KIF20B: variants seen among roughly 807,000 people sequenced by gnomAD.
KIF20B encodes kinesin family member 20B.
In KIF20B, 188 loss-of-function variants were observed where a neutral mutation model predicts 232.5. The observed-to-expected ratio is 0.81, with a 90% CI of 0.72 to 0.91. KIF20B has a LOEUF of 0.91. Among genes scored for constraint, KIF20B ranks in the 40% least tolerant of loss-of-function variants. The pLI, the probability that KIF20B is intolerant of heterozygous loss-of-function variation, is 0.00. For missense variants in KIF20B, 2,154 were observed against 2,055.9 expected, an observed-to-expected ratio of 1.05 and a Z score of -0.92; for synonymous variants, 712 against 683.0, an observed-to-expected ratio of 1.04 and a Z score of -0.66.
At position 89,768,788 on chromosome 10, in the gene KIF20B, A is replaced by T; in HGVS notation, c.5142A>T (p.Ala1714=). Residue 1714 remains alanine, a synonymous_variant, in exon 31 of 33, where the codon GCA becomes GCT. Coordinates refer to ENST00000371728, the MANE Select transcript of KIF20B (RefSeq NM_001284259.2). ...SKKTYSLRSQ[A]SIIGVNLATK... is the part of the protein sequence containing the mutation. Reference sequence around the variant, plus strand: ...AAACATATTCTTTACGGAGTCAGGCATCCATAATTGGTGTAAACCTGGCCA... The same window carrying T: ...AAACATATTCTTTACGGAGTCAGGCTTCCATAATTGGTGTAAACCTGGCCA... 1 of 1,607,658 alleles carries T rather than the reference A, an allele frequency of 6.2e-7. No homozygotes were observed. Among genetic ancestry groups the T allele is most frequent in the African/African-American group, 1.3e-5 (1 of 74,586 alleles).
At chr10:89,763,935 G>A (rs1842299125) in intron 29 of KIF20B, among the ~76,000 whole-genome samples, 1 of 149,982 alleles carries the variant, frequency 6.7e-6, no homozygotes, top group Admixed American at 6.7e-5. Flanking sequence ...TAGGGTACAT[G>A]TGCACAATGT....
intron 4 of KIF20B, 68 bp from the exon 5 acceptor site, chr10:89,709,859 G>T: frequency 7.8e-7 from 1 of 1,281,240 alleles, no homozygotes. Flanking sequence ...CAGTAGTGTT[G>T]GGATGGAACA....
intron 13 of KIF20B, among the ~76,000 whole-genome samples, chr10:89,721,831 A>G (rs1276312135): frequency 1.3e-5 from 2 of 152,190 alleles, no homozygotes; most frequent in Non-Finnish European, 2.9e-5. Context: ...ATCATATAAG[A>G]TTGACTAAAT....
At chr10:89,748,854 T>G (rs1422051710) in intron 23 of KIF20B, among the ~76,000 whole-genome samples, 1 of 152,214 alleles carries the variant, frequency 6.6e-6, no homozygotes, top group African/African-American at 2.4e-5. Context: ...CGTGACTATT[T>G]TAATCTGACT....
At position 89,714,958 on chromosome 10, in the gene KIF20B, G is replaced by A. The variant is rs367738722; in HGVS notation, c.716G>A (p.Ser239Asn). ...HNDSDDTLYGSLTNSLNISEF... is the reference protein window; with the variant it reads ...HNDSDDTLYGNLTNSLNISEF... Reference sequence around the variant, plus strand: ...TTTCTTTTTCTTTTTTTTGTAGGAAGTTTAACTAACTCTTTGAATATCTCA... The same window carrying A: ...TTTCTTTTTCTTTTTTTTGTAGGAAATTTAACTAACTCTTTGAATATCTCA... The change falls in exon 8 of 33, where the codon AGT (serine) becomes AAT (asparagine). Residue 239 changes from serine (S) to asparagine (N), a missense_variant. By Grantham distance (46) the Ser-to-Asn change is conservative. Transcript: ENST00000371728. 6.5e-7 allele frequency: 1 copy of A among 1,530,952 alleles called. No individual in the cohort carries two copies. Among genetic ancestry groups the A allele is most frequent in the Admixed American group, 2.1e-5 (1 of 48,474 alleles). The allele number at this position is 1,530,952 out of a possible 1,614,324, so 94.8% of individuals were successfully genotyped here.
intron 21 of KIF20B, among the ~76,000 whole-genome samples, chr10:89,743,391 A>G (rs951211765): frequency 6.6e-6 from 1 of 152,160 alleles, no homozygotes; most frequent in Non-Finnish European, 1.5e-5. Context: ...GCATGTCATT[A>G]TTAGCTTTTA....
chr10:89,758,943 C>T lies in KIF20B; in HGVS notation c.4680+61C>T. The T allele has an allele frequency of 4.8e-6, 5 of 1,048,730 alleles. No individual in the cohort carries two copies. In the East Asian group the frequency reaches 1.1e-4, roughly 24 times the overall value. 65.0% of individuals were successfully genotyped at this position (1,048,730 alleles called of 1,614,324 possible). On this transcript the variant is annotated intron_variant, in intron 27 of 32. Coordinates refer to ENST00000371728, the MANE Select transcript of KIF20B (RefSeq NM_001284259.2). ...ACATAGTAATTACTTAATTGACTAA[C>T]TCTTAAAGAATAAAAAAGTGTAAGT... is the stretch of plus-strand genomic sequence containing the variant.
Position 89,719,561 on chromosome 10 carries a change from T to C in KIF20B, c.1577T>C (p.Leu526Pro), listed in dbSNP as rs535352183. 5 of 1,613,502 alleles carry C rather than the reference T, an allele frequency of 3.1e-6. No individual in the cohort carries two copies. Among genetic ancestry groups the C allele is most frequent in the Non-Finnish European group, 4.2e-6 (5 of 1,179,658 alleles). The change falls in exon 13 of 33, where the codon CTA becomes CCA. Residue 526 changes from leucine (L) to proline (P), a missense_variant. Transcript: ENST00000371728. ...GCCACCATTTCATGGGAAAATAGTC[T>C]AGAAGATTTGATGGAAGACGAGGAT... ...KRATISWENS[L>P]EDLMEDEDLV...
intron 6 of KIF20B, among the ~76,000 whole-genome samples, chr10:89,712,489 A>G (rs1204449510): frequency 6.6e-6 from 1 of 152,080 alleles, no homozygotes; most frequent in Non-Finnish European, 1.5e-5. Context: ...TCTTGGCCTC[A>G]AGAGATCCTC....
chr10:89,708,566 T>A (rs1157705625), intron 2 of KIF20B, among the ~76,000 whole-genome samples: 1 of 71,220 alleles, frequency 1.4e-5, no homozygotes, highest in East Asian at 4.2e-4. Flanking sequence ...AGGGCCTGAA[T>A]TTTTTTTTTT....
rs751627130 is a variant in KIF20B, at chr10:89,754,531, AAT to A, written c.4365_4366del (p.Tyr1455Ter). 2.4e-5 allele frequency: 38 copies of A among 1,592,428 alleles called. No individual in the cohort carries two copies. Among genetic ancestry groups the A allele is most frequent in the Non-Finnish European group, 3.2e-5 (37 of 1,169,262 alleles). On this transcript the variant is annotated frameshift_variant, in exon 26 of 33. Transcript: ENST00000371728. LOFTEE classifies it high-confidence loss of function. ...TTATATATACAGGAGTCTGAACAGA[AAT>A]ATAATGCTGATAGAAAGAAATGGTT...
intron 23 of KIF20B, among the ~76,000 whole-genome samples, chr10:89,750,766 G>A (rs1332575617): frequency 6.6e-6 from 1 of 152,054 alleles, no homozygotes; most frequent in East Asian, 1.9e-4. Context: ...ATTTTAGGAA[G>A]GCTGTTATTA....
chr10:89,757,090 A>G (rs1255835771), intron 26 of KIF20B, among the ~76,000 whole-genome samples: 1 of 145,964 alleles, frequency 6.9e-6, no homozygotes, highest in Non-Finnish European at 1.5e-5. Flanking sequence ...CAATTGCTAG[A>G]TGATAGGGTA....
Position 89,751,422 on chromosome 10 carries a change from G to A in KIF20B, c.4173G>A (p.Gln1391=). Residue 1391 remains glutamine, a synonymous_variant, in exon 24 of 33, where the codon CAG becomes CAA. Coordinates refer to ENST00000371728, the MANE Select transcript of KIF20B (RefSeq NM_001284259.2). ...AACAGGAACAAACTCAGGTAGAACA[G>A]GATCAAGTGCTTGAGGCTAAATTAG... ...LEEQEQTQVE[Q]DQVLEAKLEE... The A allele has an allele frequency of 6.2e-7, 1 of 1,609,748 alleles. No homozygotes were observed. Among genetic ancestry groups the A allele is most frequent in the South Asian group, 1.1e-5 (1 of 89,792 alleles).
At chr10:89,708,615 C>A (rs530357101) in intron 2 of KIF20B, among the ~76,000 whole-genome samples, 1 of 151,952 alleles carries the variant, frequency 6.6e-6, no homozygotes, top group East Asian at 1.9e-4. Flanking sequence ...CAGTTTGCTT[C>A]ATAGAAATTG....
At chr10:89,727,797 C>A in intron 16 of KIF20B, 59 bp from the exon 17 acceptor site, 3 of 1,389,988 alleles carry the variant, frequency 2.2e-6, no homozygotes, top group South Asian at 1.3e-5. Flanking sequence ...CATAGTTATT[C>A]AGTGATACAT....
rs1564667654 is a variant in KIF20B at position 89,739,069 on chromosome 10, A to G, written c.3888A>G (p.Lys1296=). The change falls in exon 21 of 33, where the codon AAA becomes AAG. Residue 1296 remains lysine (K), a synonymous_variant. Transcript: ENST00000371728. ...TGAAAGAGAAACTGACTGATGCCAA[A>G]AAGCAGATTAAGCAAGTACAGAAAG... is the stretch of plus-strand genomic sequence containing the variant. ...ADLKEKLTDA[K]KQIKQVQKEV... 6.2e-7 allele frequency: 1 copy of G among 1,613,128 alleles called. No individual in the cohort carries two copies. Among genetic ancestry groups the G allele is most frequent in the Admixed American group, 1.7e-5 (1 of 59,902 alleles).
intron 2 of KIF20B, among the ~76,000 whole-genome samples, chr10:89,708,356 C>T (rs1010650465): frequency 6.6e-6 from 1 of 152,154 alleles, no homozygotes; most frequent in East Asian, 1.9e-4. Context: ...GGATTACAGG[C>T]ATGCACCACC....
rs1471579363 is a variant in KIF20B at position 89,762,776 on chromosome 10, A to C, written c.4930A>C (p.Thr1644Pro). ...GGCAGTGAAACACCCTGGTTGTACC[A>C]CACCAGTGACAGTTAAGATTCCCAA... is the stretch of plus-strand genomic sequence containing the variant. ...KMAVKHPGCT[T>P]PVTVKIPKAR... Residue 1644 changes from threonine to proline, a missense_variant, in exon 29 of 33, where the codon ACA (threonine) becomes CCA (proline). Coordinates refer to ENST00000371728, the MANE Select transcript of KIF20B (RefSeq NM_001284259.2). 1 of 1,613,374 alleles carries C rather than the reference A, an allele frequency of 6.2e-7. No individual in the cohort carries two copies. Among genetic ancestry groups the C allele is most frequent in the Non-Finnish European group, 8.5e-7 (1 of 1,179,534 alleles).
Sources: gnomAD v4.1 joint callset for allele counts (sites outside exome capture counted in the v4.1 genomes callset) on GRCh38, gnomAD v4.1.1 for gene constraint, MANE v1.5 for transcripts, NCBI Gene and HGNC (gene_info 2026-07-23, HGNC 2026-07-21) for gene names.